The following MCHR2 variants were observed in gnomAD, a reference collection of about 807,000 sequenced individuals.
MCHR2 encodes the protein melanin concentrating hormone receptor 2, also known as melanin-concentrating hormone receptor 2.
In MCHR2, 15 loss-of-function variants were observed where a neutral mutation model predicts 24.8. That is an observed-to-expected ratio of 0.60 (90% CI 0.40 to 0.93). The LOEUF (loss-of-function observed/expected upper bound fraction) is 0.93. Ranked by LOEUF, MCHR2 falls within the 40% of genes least tolerant of loss-of-function variation. The pLI, the probability that MCHR2 is intolerant of heterozygous loss-of-function variation, is 0.00. For synonymous variants in MCHR2, 151 were observed against 147.6 expected (o/e 1.02, Z -0.17); for missense variants, 386 against 408.7 (o/e 0.94, Z 0.48).
chr6:99,979,735 G>C (rs1420126930), intron 1 of MCHR2, among the ~76,000 whole-genome samples: 4 of 152,152 alleles, frequency 2.6e-5, no homozygotes, highest in Admixed American at 2.6e-4. Context: ...GCTGACTATA[G>C]ACAATATCCT....
intron 4 of MCHR2, among the ~76,000 whole-genome samples, chr6:99,937,889 A>G (rs983209818): frequency 1.3e-5 from 2 of 151,642 alleles, no homozygotes; most frequent in African/African-American, 4.8e-5. Flanking sequence ...CTTATTCGCT[A>G]TTGATTTGTT....
intron 1 of MCHR2, among the ~76,000 whole-genome samples, chr6:99,973,649 C>G (rs952611066): frequency 2.0e-5 from 3 of 152,144 alleles, no homozygotes; most frequent in Non-Finnish European, 4.4e-5. Flanking sequence ...CAGTTTCTTC[C>G]TAGCCTTGAT....
At chr6:99,950,631 A>G (rs975380055) in intron 2 of MCHR2, among the ~76,000 whole-genome samples, 2 of 151,710 alleles carry the variant, frequency 1.3e-5, no homozygotes, top group Non-Finnish European at 3.0e-5. Context: ...AAAAGAAAAA[A>G]GAAAGAATAC....
chr6:99,940,162 T>A (rs1240277092), intron 4 of MCHR2, among the ~76,000 whole-genome samples: 7 of 152,120 alleles, frequency 4.6e-5, no homozygotes, highest in African/African-American at 1.4e-4. Context: ...TTATTATTTC[T>A]TTGAATAAGC....
intron 1 of MCHR2, among the ~76,000 whole-genome samples, chr6:99,988,756 A>T (rs1224281152): frequency 6.6e-6 from 1 of 152,198 alleles, no homozygotes; most frequent in African/African-American, 2.4e-5. Context: ...CTTAAATACT[A>T]TAGAGGATTA....
chr6:99,944,994 C>CTA (rs1774848629), intron 3 of MCHR2, among the ~76,000 whole-genome samples: 1 of 152,178 alleles, frequency 6.6e-6, no homozygotes, highest in African/African-American at 2.4e-5. Context: ...CTTCAAGTCC[C>CTA]TATTTAACTG....
At chr6:99,949,661 C>A (rs1049097838) in intron 2 of MCHR2, among the ~76,000 whole-genome samples, 5 of 152,086 alleles carry the variant, frequency 3.3e-5, no homozygotes, top group African/African-American at 9.7e-5. Flanking sequence ...AGTCCTTATT[C>A]AGCAACCATA....
At chr6:99,963,466 T>C (rs1053811840) in intron 1 of MCHR2, among the ~76,000 whole-genome samples, 4 of 152,142 alleles carry the variant, frequency 2.6e-5, no homozygotes, top group African/African-American at 9.7e-5. Context: ...ATCAAACTTA[T>C]TGAAGCCAAA....
rs951937598 is a variant in MCHR2 at position 99,944,206 on chromosome 6, A to T, written c.393-1063T>A. ...TAGGGCCAGGAAAAAAGGGGTAATC[A>T]TTAATCAAACTTGAAATTCTGACAT... On this transcript the variant is annotated intron_variant, in intron 3 of 5. Transcript: ENST00000281806. 3.3e-5 allele frequency among the ~76,000 whole-genome samples: 5 copies of T among 152,176 alleles called. No homozygotes were observed. The South Asian group carries it at 1.0e-3, about 32-fold the overall frequency.
intron 1 of MCHR2, among the ~76,000 whole-genome samples, chr6:99,967,776 C>G (rs548065918): frequency 6.6e-6 from 1 of 152,258 alleles, no homozygotes; most frequent in South Asian, 2.1e-4. Flanking sequence ...CATTTGCTCT[C>G]CAAGTTATGT....
At chr6:99,953,851 A>C (rs142790962) in intron 2 of MCHR2, among the ~76,000 whole-genome samples, 2 of 152,266 alleles carry the variant, frequency 1.3e-5, no homozygotes, top group East Asian at 3.9e-4. Context: ...GCTTGAATTT[A>C]TTAAGAGTAG....
intron 1 of MCHR2, among the ~76,000 whole-genome samples, chr6:99,970,386 T>C (rs1775383335): frequency 6.6e-6 from 1 of 152,334 alleles, no homozygotes; most frequent in African/African-American, 2.4e-5. Flanking sequence ...TCATATCCTT[T>C]GCCCACTTTT....
intron 5 of MCHR2, among the ~76,000 whole-genome samples, chr6:99,933,318 AT>A: frequency 6.6e-6 from 1 of 152,278 alleles, no homozygotes; most frequent in Admixed American, 6.5e-5. Context: ...GAGCAAAATG[AT>A]CTGATTTGGA....
At chr6:99,978,390 G>A (rs1005883510) in intron 1 of MCHR2, among the ~76,000 whole-genome samples, 1 of 149,380 alleles carries the variant, frequency 6.7e-6, no homozygotes, top group African/African-American at 2.5e-5. Context: ...ATCTTACAGA[G>A]TCTGGAAGAG....
intron 1 of MCHR2, among the ~76,000 whole-genome samples, chr6:99,976,106 T>A (rs550486583): frequency 1.1e-4 from 16 of 152,266 alleles, no homozygotes; most frequent in African/African-American, 3.8e-4. Context: ...AAAAAAGATA[T>A]GACAGCACAT....
chr6:99,954,097 C>T lies in MCHR2; in HGVS notation c.182+1869G>A, dbSNP rs78738271. On this transcript the variant is annotated intron_variant, in intron 2 of 5. Transcript: ENST00000281806. ...TGTGAGGATTCTTTTATCTTTACAG[C>T]AAATCCAACAACTGTCTCTATAATT... Among the ~76,000 whole-genome samples the T allele has an allele frequency of 7.6e-3, 1,153 of 152,150 alleles. 42 individuals are homozygous for T. The East Asian group carries it at 0.098, about 13-fold the overall frequency.
intron 1 of MCHR2, among the ~76,000 whole-genome samples, chr6:99,973,785 G>C (rs1436525404): frequency 6.6e-6 from 1 of 152,132 alleles, no homozygotes; most frequent in African/African-American, 2.4e-5. Context: ...GCATTTGCTT[G>C]TCTGTAAAGT....
chr6:99,918,763 A>G lies in MCHR2; in HGVS notation c.*2177T>C, dbSNP rs1449082106. 6.6e-6 allele frequency among the ~76,000 whole-genome samples: 1 copy of G among 152,218 alleles called. No individual in the cohort carries two copies. The highest frequency in any genetic ancestry group is 1.5e-5 in the Non-Finnish European group (1 of 68,042). On this transcript the variant is annotated 3_prime_UTR_variant, in exon 6 of 6. Transcript: ENST00000281806. Reference sequence around the variant, plus strand: ...AAATATGCTTATGCATAGAAACGCTATATAAAGGGACAAAAATAAATTTAT... The same window carrying G: ...AAATATGCTTATGCATAGAAACGCTGTATAAAGGGACAAAAATAAATTTAT...
chr6:99,938,784 T>G (rs542025086), intron 4 of MCHR2, among the ~76,000 whole-genome samples: 25 of 152,232 alleles, frequency 1.6e-4, no homozygotes, highest in African/African-American at 5.8e-4. Flanking sequence ...GAGAATGGTG[T>G]GTTAAAATCT....
Sources: allele counts gnomAD v4.1 joint callset (sites outside exome capture counted in the v4.1 genomes callset), GRCh38; gene constraint gnomAD v4.1.1; transcripts MANE v1.5; gene names NCBI Gene and HGNC (gene_info 2026-07-23, HGNC 2026-07-21).